Variants in IRGM observed in about 807,000 individuals in gnomAD.
IRGM encodes immunity-related GTPase family M protein.
For missense variants in IRGM, 288 were observed against 219.9 expected (o/e 1.31, Z -1.96); for synonymous variants, 98 against 80.6 (o/e 1.22, Z -1.16).
At chr5:150,865,759 G>T (rs1754199088) in intron 1 of IRGM, among the ~76,000 whole-genome samples, 1 of 152,040 alleles carries the variant, frequency 6.6e-6, no homozygotes, top group Non-Finnish European at 1.5e-5. Flanking sequence ...TATCAGAAAA[G>T]ATGACTTTTT....
At chr5:150,880,884 C>T (rs901532327) in intron 3 of IRGM, among the ~76,000 whole-genome samples, 10 of 151,958 alleles carry the variant, frequency 6.6e-5, no homozygotes, top group African/African-American at 1.5e-4. Flanking sequence ...CCCAGCACTT[C>T]GGGAGGCTGA....
At chr5:150,852,431 G>A (rs144768565), downstream of IRGM, among the ~76,000 whole-genome samples, 144 of 152,212 alleles carry the variant, frequency 9.5e-4, 1 homozygote, top group African/African-American at 3.3e-3. Flanking sequence ...CACAGGGGAT[G>A]GACATTATTT....
chr5:150,870,959 T>C (rs1333150331), intron 1 of IRGM, among the ~76,000 whole-genome samples: 1 of 151,750 alleles, frequency 6.6e-6, no homozygotes, highest in South Asian at 2.1e-4. Flanking sequence ...ATGAGGTCTC[T>C]GAAATGGCTA....
At chr5:150,899,420 T>TA (rs139865848) in intron 3 of IRGM, among the ~76,000 whole-genome samples, 9 of 151,690 alleles carry the variant, frequency 5.9e-5, no homozygotes, top group African/African-American at 1.2e-4. Flanking sequence ...CATTTTTTTT[T>TA]AAAAAAAGAA....
intron 3 of IRGM, chr5:150,900,472 C>T (rs1178509763): frequency 6.6e-6 from 1 of 152,112 alleles, no homozygotes; most frequent in Non-Finnish European, 1.5e-5. Context: ...TCTGCTATAA[C>T]AGTACCTGCT....
intron 3 of IRGM, among the ~76,000 whole-genome samples, chr5:150,884,948 T>A (rs900526266): frequency 1.3e-5 from 2 of 152,160 alleles, no homozygotes; most frequent in African/African-American, 4.8e-5. Context: ...CTGTCACGTT[T>A]GTCATGATTG....
At position 150,848,158 on chromosome 5, in the gene IRGM, A is replaced by T. The variant is rs1753906974; in HGVS notation, c.35A>T (p.Asp12Val). The T allele has an allele frequency of 3.9e-6, 6 of 1,550,254 alleles. No individual in the cohort carries two copies. Among genetic ancestry groups the T allele is most frequent in the Non-Finnish European group, 5.2e-6 (6 of 1,145,996 alleles). Residue 12 changes from aspartate to valine, a missense_variant, in exon 2 of 2, where the codon GAT (aspartate) becomes GTT (valine). Transcript: ENST00000522154. ...ATGAATGTTGAGAAAGCCTCAGCAG[A>T]TGGGAACTTGCCAGAGGTGATCTCT... ...EAMNVEKASA[D>V]GNLPEVISNI...
At chr5:150,898,436 A>G (rs1412706366) in intron 3 of IRGM, 1 of 1,613,262 alleles carries the variant, frequency 6.2e-7, no homozygotes, top group Non-Finnish European at 8.5e-7. Context: ...ACCCATTGAG[A>G]CCAGGTGGCT....
At chr5:150,872,042 A>G (rs1447748269) in intron 1 of IRGM, among the ~76,000 whole-genome samples, 2 of 152,142 alleles carry the variant, frequency 1.3e-5, no homozygotes, top group African/African-American at 2.4e-5. Context: ...TTATGATGTA[A>G]AATTTGCTAT....
At chr5:150,869,831 G>A (rs1262883412) in intron 1 of IRGM, among the ~76,000 whole-genome samples, 19 of 152,214 alleles carry the variant, frequency 1.2e-4, no homozygotes, top group Admixed American at 1.2e-3. Flanking sequence ...TCAACATTGA[G>A]TTCTTTGGCA....
chr5:150,884,249 T>G (rs900745241), intron 3 of IRGM, among the ~76,000 whole-genome samples: 8 of 151,980 alleles, frequency 5.3e-5, no homozygotes, highest in Admixed American at 1.3e-4. Flanking sequence ...TATACTTATA[T>G]TTATACTTTT....
chr5:150,864,020 C>A (rs1754172218), intron 1 of IRGM, among the ~76,000 whole-genome samples: 1 of 152,134 alleles, frequency 6.6e-6, no homozygotes, highest in Non-Finnish European at 1.5e-5. Context: ...ACAGCCAGGA[C>A]CTGGTTTTTC....
intron 1 of IRGM, among the ~76,000 whole-genome samples, chr5:150,877,315 A>T (rs1309745897): frequency 3.3e-5 from 5 of 152,186 alleles, no homozygotes; most frequent in Non-Finnish European, 5.9e-5. Flanking sequence ...AGCACATTCT[A>T]ATCAGCTGCC....
intron 3 of IRGM, among the ~76,000 whole-genome samples, chr5:150,893,912 A>C (rs1326631195): frequency 2.0e-5 from 3 of 151,986 alleles, no homozygotes; most frequent in African/African-American, 7.3e-5. Context: ...CAATATATAA[A>C]TCACCTGGGA....
chr5:150,859,394 T>G (rs535154746), intron 1 of IRGM, among the ~76,000 whole-genome samples: 33 of 152,348 alleles, frequency 2.2e-4, no homozygotes, highest in African/African-American at 7.2e-4. Context: ...TTCTCTTTTT[T>G]GGCTGTGTCT....
At chr5:150,885,433 T>C (rs1379452868) in intron 3 of IRGM, among the ~76,000 whole-genome samples, 1 of 152,092 alleles carries the variant, frequency 6.6e-6, no homozygotes, top group African/African-American at 2.4e-5. Flanking sequence ...TTAAAATTGA[T>C]TTTTAAAAAT....
chr5:150,899,890 A>G (rs1280130174), intron 3 of IRGM, among the ~76,000 whole-genome samples: 4 of 152,120 alleles, frequency 2.6e-5, no homozygotes, highest in Admixed American at 1.3e-4. Flanking sequence ...AATGAAAATG[A>G]TTATTTCAAA....
intron 1 of IRGM, among the ~76,000 whole-genome samples, chr5:150,853,783 C>T (rs1581640134): frequency 6.6e-6 from 1 of 152,010 alleles, no homozygotes; most frequent in East Asian, 1.9e-4. Flanking sequence ...TCCACTTTCA[C>T]TTTCAAACTA....
chr5:150,892,111 A>C (rs981738363), intron 3 of IRGM, among the ~76,000 whole-genome samples: 1 of 152,238 alleles, frequency 6.6e-6, no homozygotes, highest in East Asian at 1.9e-4. Flanking sequence ...CCAATAAACT[A>C]TCTCACTGTC....
Sources: gnomAD v4.1 joint callset for allele counts (sites outside exome capture counted in the v4.1 genomes callset) on GRCh38, gnomAD v4.1.1 for gene constraint, MANE v1.5 for transcripts, NCBI Gene and HGNC (gene_info 2026-07-23, HGNC 2026-07-21) for gene names.